The following TANGO6 variants were observed in gnomAD, a reference collection of about 807,000 sequenced individuals.
TANGO6 encodes the protein transport and Golgi organization protein 6 homolog.
A neutral mutation model predicts 114.2 loss-of-function variants in TANGO6; 90 were observed. The ratio of observed to expected loss-of-function variants is 0.79; its 90% CI spans 0.66 to 0.94. The LOEUF (loss-of-function observed/expected upper bound fraction) is 0.94. Ranked by LOEUF, TANGO6 falls within the 40% of genes least tolerant of loss-of-function variation. The pLI, the probability that TANGO6 is intolerant of heterozygous loss-of-function variation, is 0.00. For synonymous variants in TANGO6, 477 were observed against 509.8 expected (o/e 0.94, Z 0.87); for missense variants, 1,274 against 1,315.3 (o/e 0.97, Z 0.49).
At chr16:68,972,325 G>A (rs528160213) in intron 14 of TANGO6, among the ~76,000 whole-genome samples, 27 of 152,198 alleles carry the variant, frequency 1.8e-4, no homozygotes, top group Admixed American at 1.4e-3. Flanking sequence ...CAGATGCGGC[G>A]GATAAGGCCA....
chr16:68,879,859 G>A (rs896540287), intron 6 of TANGO6, among the ~76,000 whole-genome samples: 6 of 151,700 alleles, frequency 4.0e-5, no homozygotes, highest in African/African-American at 1.2e-4. Flanking sequence ...CTTGTGATCC[G>A]CCTGCCTCGG....
chr16:69,009,075 T>TC, intron 15 of TANGO6, among the ~76,000 whole-genome samples: 1 of 114,472 alleles, frequency 8.7e-6, no homozygotes, highest in Admixed American at 8.8e-5. Flanking sequence ...TTTATTTCTT[T>TC]TTTTTTTTTT....
At chr16:68,862,440 G>A (rs922245509) in intron 2 of TANGO6, among the ~76,000 whole-genome samples, 21 of 151,734 alleles carry the variant, frequency 1.4e-4, no homozygotes, top group African/African-American at 4.8e-4. Context: ...CAGGAGATCC[G>A]CCCCCCTCGG....
intron 15 of TANGO6, among the ~76,000 whole-genome samples, chr16:68,991,999 C>CTT (rs35352949): frequency 6.7e-6 from 1 of 148,894 alleles, no homozygotes; most frequent in Non-Finnish European, 1.5e-5. Flanking sequence ...GACCATCATC[C>CTT]TTTTTTTTTT....
intron 14 of TANGO6, among the ~76,000 whole-genome samples, chr16:68,953,845 G>A (rs768233957): frequency 3.9e-5 from 6 of 152,144 alleles, no homozygotes; most frequent in Non-Finnish European, 7.4e-5. Context: ...GTATTTAATT[G>A]CTTCACTAAA....
intron 14 of TANGO6, among the ~76,000 whole-genome samples, chr16:68,931,487 G>C (rs1040815717): frequency 6.6e-6 from 1 of 152,130 alleles, no homozygotes; most frequent in African/African-American, 2.4e-5. Flanking sequence ...ATAACCAAGA[G>C]GTGGAAATAG....
chr16:68,867,359 A>G, intron 4 of TANGO6, 139 bp downstream of exon 4: 1 of 1,094,486 alleles, frequency 9.1e-7, no homozygotes, highest in Middle Eastern at 3.1e-4. Context: ...TGAACAGGTT[A>G]AACTTAGAGG....
intron 15 of TANGO6, among the ~76,000 whole-genome samples, chr16:68,998,073 C>T (rs1316459331): frequency 1.3e-5 from 2 of 152,170 alleles, no homozygotes; most frequent in African/African-American, 4.8e-5. Context: ...TGCATTCCTA[C>T]ACAAAGAGTA....
chr16:69,021,946 C>T (rs1330850013), intron 15 of TANGO6, among the ~76,000 whole-genome samples: 2 of 146,940 alleles, frequency 1.4e-5, no homozygotes, highest in African/African-American at 2.5e-5. Context: ...AGTGCAGTGG[C>T]GCAATCTCGG....
chr16:68,923,251 C>T (rs1476768005), intron 12 of TANGO6, among the ~76,000 whole-genome samples: 4 of 151,772 alleles, frequency 2.6e-5, no homozygotes, highest in African/African-American at 9.7e-5. Flanking sequence ...AGCCACCGCG[C>T]CTGGCCTGCT....
intron 17 of TANGO6, among the ~76,000 whole-genome samples, chr16:69,058,216 C>T (rs1415799760): frequency 6.6e-6 from 1 of 152,180 alleles, no homozygotes. Flanking sequence ...TGGATTGATG[C>T]TCTGGGGTTT....
At chr16:69,036,412 C>T (rs965302578) in intron 16 of TANGO6, among the ~76,000 whole-genome samples, 2 of 152,152 alleles carry the variant, frequency 1.3e-5, no homozygotes, top group African/African-American at 2.4e-5. Context: ...AAGCATTTTG[C>T]GTGACAGACC....
chr16:68,885,254 T>C (rs1046804719), intron 7 of TANGO6, among the ~76,000 whole-genome samples: 2 of 152,194 alleles, frequency 1.3e-5, no homozygotes, highest in East Asian at 1.9e-4. Flanking sequence ...AGCTCTTTTT[T>C]TCTCTCTCTC....
At chr16:69,064,222 C>T (rs1037894883) in intron 17 of TANGO6, among the ~76,000 whole-genome samples, 3 of 152,098 alleles carry the variant, frequency 2.0e-5, no homozygotes, top group Admixed American at 2.0e-4. Context: ...TAATACAAAC[C>T]CTTACCAGAG....
chr16:69,037,317 G>T (rs1959704705), intron 16 of TANGO6, among the ~76,000 whole-genome samples: 1 of 152,128 alleles, frequency 6.6e-6, no homozygotes. Flanking sequence ...CAGGACAGAG[G>T]TGACAAAGGC....
intron 4 of TANGO6, among the ~76,000 whole-genome samples, chr16:68,868,492 ATTTTTTT>A (rs765054621): frequency 1.6e-4 from 15 of 93,682 alleles, no homozygotes; most frequent in African/African-American, 4.4e-4. Context: ...CTATATTTCT[ATTTTTTT>A]TTTTTTTTTT....
chr16:68,973,122 C>T (rs1247130855), intron 14 of TANGO6: 1 of 455,932 alleles, frequency 2.2e-6, no homozygotes, highest in Admixed American at 2.4e-5. Flanking sequence ...CCAAATAGCT[C>T]CATCTGCAAT....
intron 6 of TANGO6, 136 bp downstream of exon 6, chr16:68,878,416 A>G: frequency 9.4e-7 from 1 of 1,064,516 alleles, no homozygotes; most frequent in Non-Finnish European, 1.3e-6. Context: ...TATTTTGACA[A>G]ATTCACTTAC....
chr16:69,065,722 T>C (rs995578161), intron 17 of TANGO6, among the ~76,000 whole-genome samples: 5 of 152,160 alleles, frequency 3.3e-5, no homozygotes, highest in Non-Finnish European at 5.9e-5. Context: ...TGGGTAGAAA[T>C]CTCTTAGACA....
Sources: allele counts gnomAD v4.1 joint callset (sites outside exome capture counted in the v4.1 genomes callset), GRCh38; gene constraint gnomAD v4.1.1; transcripts MANE v1.5; gene names NCBI Gene and HGNC (gene_info 2026-07-23, HGNC 2026-07-21).